The following ATRNL1 variants were observed in gnomAD, a reference collection of about 807,000 sequenced individuals.
The protein encoded by ATRNL1 is attractin-like protein 1.
A neutral mutation model predicts 182.7 loss-of-function variants in ATRNL1; 95 were observed. The ratio of observed to expected loss-of-function variants is 0.52; its 90% CI spans 0.44 to 0.62. The LOEUF (loss-of-function observed/expected upper bound fraction) is 0.62, where lower values mean the gene tolerates loss of function less well. Ranked by LOEUF, ATRNL1 falls within the 20% of genes least tolerant of loss-of-function variation. ATRNL1 has a pLI of 0.00. For synonymous variants in ATRNL1, 576 were observed against 568.3 expected, an observed-to-expected ratio of 1.01 and a Z score of -0.19; for missense variants, 1,471 against 1,679.5, an observed-to-expected ratio of 0.88 and a Z score of 2.17.
chr10:115,519,114 A>G (rs571070566), intron 24 of ATRNL1, 149 bp from the exon 25 acceptor site: 270 of 675,410 alleles, frequency 4.0e-4, no homozygotes, highest in Non-Finnish European at 6.0e-4. Context: ...TTCTAGATGA[A>G]ATTTTCATTC....
chr10:115,826,165 T>C (rs1331593135), intron 27 of ATRNL1, among the ~76,000 whole-genome samples: 1 of 151,652 alleles, frequency 6.6e-6, no homozygotes, highest in Non-Finnish European at 1.5e-5. Context: ...TGTTCTCTAG[T>C]ATATTTTTGG....
chr10:115,354,426 C>A (rs1744697803), intron 19 of ATRNL1, among the ~76,000 whole-genome samples: 1 of 151,818 alleles, frequency 6.6e-6, no homozygotes, highest in Admixed American at 6.6e-5. Context: ...GTCTTTATTT[C>A]TCCTCCATAT....
At chr10:115,187,063 T>C (rs1468881483) in intron 8 of ATRNL1, among the ~76,000 whole-genome samples, 1 of 152,200 alleles carries the variant, frequency 6.6e-6, no homozygotes, top group Non-Finnish European at 1.5e-5. Flanking sequence ...TACAATGATC[T>C]ATGATCTCTC....
intron 26 of ATRNL1, 22 bp downstream of exon 26, chr10:115,549,558 C>T: frequency 6.6e-7 from 1 of 1,525,502 alleles, no homozygotes; most frequent in Non-Finnish European, 8.9e-7. Context: ...ATTATTTAAT[C>T]TTTTGTTTAA....
At chr10:115,869,994 G>C (rs1589628383) in intron 28 of ATRNL1, among the ~76,000 whole-genome samples, 1 of 23,304 alleles carries the variant, frequency 4.3e-5, no homozygotes, top group African/African-American at 1.5e-4. Flanking sequence ...TTTTTTTTTG[G>C]TGTTATAAAT....
chr10:115,672,687 A>G (rs1423035958), intron 26 of ATRNL1, among the ~76,000 whole-genome samples: 1 of 152,036 alleles, frequency 6.6e-6, no homozygotes, highest in Admixed American at 6.6e-5. Flanking sequence ...GCTTATTACT[A>G]AAAAAAGATT....
chr10:115,508,634 C>T lies in ATRNL1; in HGVS notation c.3655-10629C>T, dbSNP rs185967088. ...TAGTTGTCCGAATATAAGATCAAAA[C>T]CACTATAACATTCCCGTAAACCTAA... On this transcript the variant is annotated intron_variant, in intron 24 of 28. Transcript: ENST00000355044. 8.5e-5 allele frequency among the ~76,000 whole-genome samples: 13 copies of T among 152,068 alleles called. No individual in the cohort carries two copies. In the East Asian group the frequency reaches 2.3e-3, roughly 27 times the overall value.
intron 10 of ATRNL1, among the ~76,000 whole-genome samples, chr10:115,257,994 C>T (rs1851230463): frequency 6.6e-6 from 1 of 152,214 alleles, no homozygotes; most frequent in South Asian, 2.1e-4. Context: ...GTTTGATGGG[C>T]TTCCCTTTGT....
chr10:115,660,683 G>A (rs532323703), intron 26 of ATRNL1, among the ~76,000 whole-genome samples: 175 of 152,198 alleles, frequency 1.1e-3, no homozygotes, highest in Non-Finnish European at 2.3e-3. Context: ...TCCATGATAA[G>A]GTGGGGAAGA....
chr10:115,551,553 T>C (rs1176977812), intron 26 of ATRNL1, among the ~76,000 whole-genome samples: 5 of 151,456 alleles, frequency 3.3e-5, no homozygotes, highest in African/African-American at 1.2e-4. Flanking sequence ...TATTAAAGTG[T>C]ATAATAGTGT....
chr10:115,820,152 C>G (rs892007411), intron 27 of ATRNL1: 1 of 152,086 alleles, frequency 6.6e-6, no homozygotes, highest in Non-Finnish European at 1.5e-5. Flanking sequence ...GAGCCTCACT[C>G]TAAAAATCAC....
Position 115,781,120 on chromosome 10 carries a change from T to C in ATRNL1, c.3903+53765T>C, listed in dbSNP as rs797036427. Among the ~76,000 whole-genome samples the C allele has an allele frequency of 4.6e-5, 7 of 152,280 alleles. 1 individual carries two copies. The highest frequency in any genetic ancestry group is 1.4e-4 in the African/African-American group (6 of 41,552). ...TATAAAGGTGCTCGACTTCATTTAG[T>C]CATCAGAGAAAAACAAATTGAAACC... is the stretch of plus-strand genomic sequence containing the variant. On this transcript the variant is annotated intron_variant, in intron 27 of 28. Coordinates refer to ENST00000355044, the MANE Select transcript of ATRNL1 (RefSeq NM_207303.4).
At chr10:115,639,960 C>G (rs1372849501) in intron 26 of ATRNL1, among the ~76,000 whole-genome samples, 1 of 151,962 alleles carries the variant, frequency 6.6e-6, no homozygotes, top group African/African-American at 2.4e-5. Context: ...TCCTAATGCT[C>G]TCCCTCCCCT....
chr10:115,499,417 G>T (rs538959530), intron 24 of ATRNL1, among the ~76,000 whole-genome samples: 1 of 152,292 alleles, frequency 6.6e-6, no homozygotes, highest in African/African-American at 2.4e-5. Flanking sequence ...TTGAGTGTGT[G>T]AACACCGAAA....
intron 26 of ATRNL1, among the ~76,000 whole-genome samples, chr10:115,636,200 A>G (rs1243713982): frequency 5.3e-5 from 8 of 152,222 alleles, no homozygotes; most frequent in Non-Finnish European, 2.9e-5. Context: ...AAAGGGACCC[A>G]GTTCACAACA....
At chr10:115,577,610 TTGTGTGTGTG>T (rs3981280) in intron 26 of ATRNL1, among the ~76,000 whole-genome samples, 343 of 135,092 alleles carry the variant, frequency 2.5e-3, no homozygotes, top group South Asian at 0.011. Flanking sequence ...TTCTAACAGG[TTGTGTGTGTG>T]TGTGTGTGTG....
chr10:115,114,125 A>G (rs899599323), intron 1 of ATRNL1, among the ~76,000 whole-genome samples: 1 of 152,200 alleles, frequency 6.6e-6, no homozygotes, highest in Non-Finnish European at 1.5e-5. Flanking sequence ...CTGATTTTCA[A>G]CAGAGGCTCG....
intron 28 of ATRNL1, among the ~76,000 whole-genome samples, chr10:115,866,240 A>G (rs1184050366): frequency 6.6e-6 from 1 of 152,174 alleles, no homozygotes; most frequent in African/African-American, 2.4e-5. Context: ...AATTATGTTG[A>G]CACGAACATG....
chr10:115,488,185 C>G (rs1300305452), intron 24 of ATRNL1, among the ~76,000 whole-genome samples: 2 of 151,516 alleles, frequency 1.3e-5, no homozygotes, highest in African/African-American at 2.4e-5. Flanking sequence ...GAAATTTTTC[C>G]TTTTGCTGTG....
Sources: gnomAD v4.1 joint callset for allele counts (sites outside exome capture counted in the v4.1 genomes callset) on GRCh38, gnomAD v4.1.1 for gene constraint, MANE v1.5 for transcripts, NCBI Gene and HGNC (gene_info 2026-07-23, HGNC 2026-07-21) for gene names.